The following DCLRE1C variants were observed in gnomAD, a reference collection of about 807,000 sequenced individuals.
The protein encoded by DCLRE1C is DNA cross-link repair 1C, also known as protein artemis.
Under a neutral mutation model 61.4 loss-of-function variants are expected in DCLRE1C, and 47 were observed. The ratio of observed to expected loss-of-function variants is 0.77; its 90% CI spans 0.61 to 0.98. The LOEUF is 0.98. DCLRE1C is among the 50% of genes least tolerant of loss of function. DCLRE1C has a pLI of 0.00. For missense variants in DCLRE1C, 858 were observed against 816.0 expected (o/e 1.05, Z -0.63); for synonymous variants, 337 against 287.6 (o/e 1.17, Z -1.74).
intron 13 of DCLRE1C, 69 bp downstream of exon 13, chr10:14,919,669 A>G: frequency 8.0e-7 from 1 of 1,254,124 alleles, no homozygotes; most frequent in Non-Finnish European, 1.2e-6. Context: ...CTTCTCCCAG[A>G]CCCAAGCTCC....
At chr10:14,924,155 T>A (rs1296746704) in intron 11 of DCLRE1C, among the ~76,000 whole-genome samples, 1 of 152,234 alleles carries the variant, frequency 6.6e-6, no homozygotes, top group Non-Finnish European at 1.5e-5. Flanking sequence ...CCGCAGGCTG[T>A]GTGCTCACGC....
At chr10:14,926,357 A>T (rs183887569) in intron 11 of DCLRE1C, among the ~76,000 whole-genome samples, 163 of 152,300 alleles carry the variant, frequency 1.1e-3, no homozygotes, top group African/African-American at 3.8e-3. Context: ...GCCAACACAT[A>T]AAAATAGAAT....
chr10:14,935,754 C>A (rs1281985863), intron 5 of DCLRE1C, among the ~76,000 whole-genome samples, 190 bp from the exon 6 acceptor site: 1 of 152,138 alleles, frequency 6.6e-6, no homozygotes, highest in Non-Finnish European at 1.5e-5. Flanking sequence ...TAGAAAATAA[C>A]AGAATGGAGA....
chr10:14,945,651 TTC>T, intron 2 of DCLRE1C: 41 of 741,180 alleles, frequency 5.5e-5, no homozygotes, highest in Non-Finnish European at 6.2e-5. Context: ...TATAAGTCTA[TTC>T]TTTTTTTTTT....
chr10:14,935,445 C>G lies in DCLRE1C; in HGVS notation c.464+18G>C, dbSNP rs1192994663. The G allele has an allele frequency of 4.3e-6, 7 of 1,610,100 alleles. No individual in the cohort carries two copies. Among genetic ancestry groups the G allele is most frequent in the African/African-American group, 4.0e-5 (3 of 74,732 alleles). Reference sequence around the variant, plus strand: ...AAAATAAAATAAAATAAAATAAAACCTATACGAGGCCCAGTACCTGCCCCC... The same window carrying G: ...AAAATAAAATAAAATAAAATAAAACGTATACGAGGCCCAGTACCTGCCCCC... On this transcript the variant is annotated intron_variant, in intron 6 of 13. Coordinates refer to ENST00000378278, the MANE Select transcript of DCLRE1C (RefSeq NM_001033855.3).
chr10:14,908,514 T>G lies in DCLRE1C; in HGVS notation c.1973A>C (p.Glu658Ala). ...ATGCTCTCGTTTAGGTAACTCAGCT[T>G]CTGGAGTTGAGGGAACTTCAAAATC... is the stretch of plus-strand genomic sequence containing the variant. Reference protein sequence around the residue: ...SSDFEVPSTPEAELPKREHLQ... With the variant: ...SSDFEVPSTPAAELPKREHLQ... Residue 658 changes from glutamate to alanine, a missense_variant, in exon 14 of 14, where the codon GAA (glutamate) becomes GCA (alanine). By Grantham distance (107) the Glu-to-Ala change is moderately radical (BLOSUM62 -1). Coordinates refer to ENST00000378278, the MANE Select transcript of DCLRE1C (RefSeq NM_001033855.3). The G allele has an allele frequency of 6.2e-7, 1 of 1,614,078 alleles. No homozygotes were observed. Among genetic ancestry groups the G allele is most frequent in the Non-Finnish European group, 8.5e-7 (1 of 1,179,984 alleles).
At chr10:14,922,168 C>A (rs1837224405) in intron 12 of DCLRE1C, among the ~76,000 whole-genome samples, 2 of 152,198 alleles carry the variant, frequency 1.3e-5, no homozygotes, top group South Asian at 4.1e-4. Context: ...GGGCCGGGTG[C>A]AGTGGCTCAT....
In DCLRE1C at chr10:14,928,219, T is replaced by C. The variant is rs1003005386; in HGVS notation, c.781-67A>G. On this transcript the variant is annotated intron_variant, in intron 9 of 13. Coordinates refer to ENST00000378278, the MANE Select transcript of DCLRE1C (RefSeq NM_001033855.3). ...CTACAAATCTGTTGTAGGCAGAGTC[T>C]CAAAAACAAAAGTAGAAAAGTTTCC... is the stretch of plus-strand genomic sequence containing the variant. 2.7e-6 allele frequency: 4 copies of C among 1,469,512 alleles called. No homozygotes were observed. In the East Asian group the frequency reaches 9.2e-5, roughly 34 times the overall value. The allele number at this position is 1,469,512 out of a possible 1,614,324, so 91.0% of individuals were successfully genotyped here. A position where few individuals can be genotyped will look rare whatever the true frequency, so the allele number is the denominator to read the frequency against.
At chr10:14,949,820 G>A (rs571680254) in intron 1 of DCLRE1C, among the ~76,000 whole-genome samples, 100 of 152,224 alleles carry the variant, frequency 6.6e-4, no homozygotes, top group Middle Eastern at 3.4e-3. Flanking sequence ...CGACGTAGGC[G>A]GATCACCTGA....
exon 14 of DCLRE1C, chr10:14,898,715 T>G (rs1833779576): frequency 6.6e-6 from 1 of 152,488 alleles, no homozygotes; most frequent in Admixed American, 6.5e-5. Context: ...ATAAAACTTG[T>G]GTTCTTAAGA....
exon 14 of DCLRE1C, chr10:14,898,540 G>T (rs1030646095): frequency 5.9e-5 from 9 of 151,880 alleles, no homozygotes; most frequent in Non-Finnish European, 1.2e-4. Context: ...TTTAGACAGT[G>T]GTAGATTATT....
At chr10:14,928,509 A>G (rs1177255239) in intron 9 of DCLRE1C, among the ~76,000 whole-genome samples, 2 of 152,220 alleles carry the variant, frequency 1.3e-5, no homozygotes, top group African/African-American at 2.4e-5. Flanking sequence ...AAAGGACACT[A>G]TGGGAAGAAC....
At chr10:14,936,869 AG>A (rs1840020856) in intron 4 of DCLRE1C, among the ~76,000 whole-genome samples, 1 of 152,220 alleles carries the variant, frequency 6.6e-6, no homozygotes, top group African/African-American at 2.4e-5. Flanking sequence ...TGTTCACAGC[AG>A]CATTCTTCAT....
chr10:14,934,562 G>A (rs765405646), intron 7 of DCLRE1C, 42 bp from the exon 8 acceptor site: 21 of 1,613,804 alleles, frequency 1.3e-5, no homozygotes, highest in South Asian at 5.5e-5. Context: ...GTGGAGAGCC[G>A]CACATAGCCT....
At chr10:14,921,674 A>C (rs1588976397) in intron 12 of DCLRE1C, among the ~76,000 whole-genome samples, 1 of 151,940 alleles carries the variant, frequency 6.6e-6, no homozygotes, top group East Asian at 1.9e-4. Flanking sequence ...TTCTCAAGAC[A>C]CTCCATGGGC....
chr10:14,917,989 TA>T (rs1198533822), intron 13 of DCLRE1C, among the ~76,000 whole-genome samples: 9 of 152,308 alleles, frequency 5.9e-5, no homozygotes, highest in African/African-American at 1.9e-4. Context: ...TTAGGATATT[TA>T]AAATTAAAAA....
upstream of DCLRE1C, chr10:14,954,201 C>T (rs755399995): frequency 5.6e-5 from 50 of 890,336 alleles, no homozygotes; most frequent in Admixed American, 9.9e-4. Context: ...TCTAGGCGCC[C>T]GCTGCTTGGG....
chr10:14,941,067 G>T (rs867414038), intron 3 of DCLRE1C, among the ~76,000 whole-genome samples: 2 of 138,250 alleles, frequency 1.4e-5, no homozygotes, highest in East Asian at 2.1e-4. Flanking sequence ...TAGCAGAGAT[G>T]GGGTTTCACC....
intron 10 of DCLRE1C, among the ~76,000 whole-genome samples, chr10:14,927,513 T>G (rs924377402): frequency 1.4e-5 from 2 of 145,850 alleles, no homozygotes; most frequent in Non-Finnish European, 3.0e-5. Context: ...CACCAAGGGT[T>G]CTGTTCTCTC....
Sources: gnomAD v4.1 joint callset for allele counts (sites outside exome capture counted in the v4.1 genomes callset) on GRCh38, gnomAD v4.1.1 for gene constraint, MANE v1.5 for transcripts, NCBI Gene and HGNC (gene_info 2026-07-23, HGNC 2026-07-21) for gene names.